CHST1: variants seen among roughly 807,000 people sequenced by gnomAD.
The protein encoded by CHST1 is Keratan sulfotransferase.
CHST1 carries 10 observed loss-of-function variants against 22.5 expected under a neutral mutation model. The observed-to-expected ratio is 0.44, with a 90% CI of 0.27 to 0.75. The LOEUF is 0.75. Ranked by LOEUF, CHST1 falls within the 30% of genes least tolerant of loss-of-function variation. The pLI is 0.15. For synonymous variants in CHST1, 267 were observed against 264.5 expected, an observed-to-expected ratio of 1.01 and a Z score of -0.09; for missense variants, 439 against 576.1, an observed-to-expected ratio of 0.76 and a Z score of 2.44.
At chr11:45,654,096 T>G (rs1372148229) in intron 1 of CHST1, among the ~76,000 whole-genome samples, 9 of 152,190 alleles carry the variant, frequency 5.9e-5, no homozygotes, top group Admixed American at 5.9e-4. Flanking sequence ...AGTCTTCACT[T>G]AATTCTGGGG....
Position 45,650,958 on chromosome 11 carries a change from G to T in CHST1, c.-35C>A. On this transcript the variant is annotated 5_prime_UTR_variant, in exon 4 of 4. Transcript: ENST00000308064. ...CCTTCATGGGGCTGCTTCTCCAAGG[G>T]GTGAGGTCTGTGGGCAAAGGCGGCC... 1 of 1,515,484 alleles carries T rather than the reference G, an allele frequency of 6.6e-7. No individual in the cohort carries two copies. The allele number at this position is 1,515,484 out of a possible 1,614,324, so 93.9% of individuals were successfully genotyped here.
chr11:45,651,092 C>G, intron 3 of CHST1, 127 bp from the exon 4 acceptor site: 3 of 610,376 alleles, frequency 4.9e-6, no homozygotes, highest in Non-Finnish European at 8.0e-6. Context: ...ACCACACACC[C>G]TGAAGACCTA....
chr11:45,662,133 T>A (rs1386718004), intron 1 of CHST1, among the ~76,000 whole-genome samples: 1 of 152,186 alleles, frequency 6.6e-6, no homozygotes, highest in Non-Finnish European at 1.5e-5. Flanking sequence ...GGAAGACAGA[T>A]GCTTCTCCAG....
Position 45,652,620 on chromosome 11 carries a change from C to T in CHST1, c.-226-14G>A, listed in dbSNP as rs2277272. On this transcript the variant is annotated splice_polypyrimidine_tract_variant and intron_variant, in intron 1 of 3. Coordinates refer to ENST00000308064, the MANE Select transcript of CHST1 (RefSeq NM_003654.6). ...GACACCAGCTACCTGAAACTCAAAG[C>T]GAAAGTGGACCAGGGAGCATTCCTG... The T allele has an allele frequency of 0.72, 108,979 of 152,070 alleles. 41,597 individuals are homozygous for T. Among genetic ancestry groups the T allele is most frequent in the Middle Eastern group, 0.93 (274 of 294 alleles). 9.4% of individuals were successfully genotyped at this position (152,070 alleles called of 1,614,324 possible).
rs558210283 is a variant in CHST1 at position 45,655,109 on chromosome 11, T to C, written c.-226-2503A>G. Among the ~76,000 whole-genome samples, 6 of 152,368 alleles carry C rather than the reference T, an allele frequency of 3.9e-5. No individual in the cohort carries two copies. The South Asian group carries it at 1.2e-3, about 32-fold the overall frequency. On this transcript the variant is annotated intron_variant, in intron 1 of 3. Transcript: ENST00000308064. ...TGCTGATCCCAGCTCAGCCACTTACTGGCTGAGAGATCTTGGCTAGCTTTC... is the reference window on the plus strand; with the variant it reads ...TGCTGATCCCAGCTCAGCCACTTACCGGCTGAGAGATCTTGGCTAGCTTTC...
In CHST1 at chr11:45,665,095, C is replaced by T; in HGVS notation, c.-227+83G>A. Reference sequence around the variant, plus strand: ...CTGTCCCCGAGCGGAGGGGCGTCTCCCACCGCGCCCGCGCCCCTCCCGGCT... The same window carrying T: ...CTGTCCCCGAGCGGAGGGGCGTCTCTCACCGCGCCCGCGCCCCTCCCGGCT... On this transcript the variant is annotated intron_variant, in intron 1 of 3. Coordinates refer to ENST00000308064, the MANE Select transcript of CHST1 (RefSeq NM_003654.6). This position sits in a 1 kb window ranked among gnomAD's most constrained non-coding sequence, Gnocchi z 4.0. 6.6e-6 allele frequency: 1 copy of T among 152,064 alleles called. No homozygotes were observed. Among genetic ancestry groups the T allele is most frequent in the East Asian group, 1.9e-4 (1 of 5,138 alleles). 9.4% of individuals were successfully genotyped at this position (152,064 alleles called of 1,614,324 possible).
intron 1 of CHST1, among the ~76,000 whole-genome samples, chr11:45,661,296 G>C (rs1405468971): frequency 6.6e-6 from 1 of 152,230 alleles, no homozygotes; most frequent in Non-Finnish European, 1.5e-5. Context: ...AGTGGGGGCA[G>C]GGCTGCCAAG....
intron 1 of CHST1, among the ~76,000 whole-genome samples, chr11:45,661,727 T>C (rs1426000864): frequency 2.0e-5 from 3 of 152,160 alleles, no homozygotes; most frequent in East Asian, 3.9e-4. Context: ...TGGGATGTCT[T>C]TAAGGAGCCT....
rs561994722 is a variant in CHST1, at chr11:45,651,821, G to A, written c.-43+172C>T. ...CCCCTCTGCCCACAGAAGGGGGACT[G>A]GGGAGGGACCATGGAGAAGCAGAAA... On this transcript the variant is annotated intron_variant, in intron 3 of 3. Coordinates refer to ENST00000308064, the MANE Select transcript of CHST1 (RefSeq NM_003654.6). 2.6e-5 allele frequency: 4 copies of A among 152,472 alleles called. No homozygotes were observed. In the South Asian group the frequency reaches 6.2e-4, roughly 24 times the overall value. The allele number at this position is 152,472 out of a possible 1,614,324, so 9.4% of individuals were successfully genotyped here.
In CHST1 at chr11:45,649,980, T is replaced by C. The variant is rs1590686684; in HGVS notation, c.944A>G (p.Glu315Gly). 6.2e-7 allele frequency: 1 copy of C among 1,613,708 alleles called. No individual in the cohort carries two copies. Among genetic ancestry groups the C allele is most frequent in the Non-Finnish European group, 8.5e-7 (1 of 1,179,962 alleles). The change falls in exon 4 of 4, where the codon GAG (glutamate) becomes GGG (glycine). Residue 315 changes from glutamate (E) to glycine (G), a missense_variant. Transcript: ENST00000308064. ...LARNPMKKTE[E>G]IYGFLGIPLD... ...CGGGATGCCCAGGAACCCGTAGATC[T>C]CCTCGGTCTTCTTCATAGGGTTCCG...
In CHST1 at chr11:45,653,387, T is replaced by A. The variant is rs529162350; in HGVS notation, c.-226-781A>T. On this transcript the variant is annotated intron_variant, in intron 1 of 3. Transcript: ENST00000308064. ...AGGGGCAGTTTAGAGTCTTAGGAAC[T>A]TCTCAACGTGATCAGAGAAAAACCA... 5.3e-5 allele frequency among the ~76,000 whole-genome samples: 8 copies of A among 152,260 alleles called. No individual in the cohort carries two copies. The South Asian group carries it at 1.7e-3, about 32-fold the overall frequency.
Position 45,648,350 on chromosome 11 carries a change from T to A in CHST1, c.*1338A>T, listed in dbSNP as rs563615368. 7.4e-4 allele frequency among the ~76,000 whole-genome samples: 111 copies of A among 150,292 alleles called. No individual in the cohort carries two copies. The highest frequency in any genetic ancestry group is 2.5e-3 in the African/African-American group (104 of 41,038). On this transcript the variant is annotated 3_prime_UTR_variant, in exon 4 of 4. Coordinates refer to ENST00000308064, the MANE Select transcript of CHST1 (RefSeq NM_003654.6). ...CACTTGTTAAAGACTTTGAACATTA[T>A]CCCTGGCTATAAGTTACCCGGTCTC...
chr11:45,662,425 A>G (rs1852146453), intron 1 of CHST1, among the ~76,000 whole-genome samples: 1 of 152,314 alleles, frequency 6.6e-6, no homozygotes, highest in Admixed American at 6.5e-5. Context: ...GGAACCTGAA[A>G]CAAATGCTCC....
At position 45,648,477 on chromosome 11, in the gene CHST1, G is replaced by T. The variant is rs1225241558; in HGVS notation, c.*1211C>A. Among the ~76,000 whole-genome samples, 1 of 151,038 alleles carries T rather than the reference G, an allele frequency of 6.6e-6. No homozygotes were observed. The highest frequency in any genetic ancestry group is 2.1e-4 in the South Asian group (1 of 4,780). On this transcript the variant is annotated 3_prime_UTR_variant, in exon 4 of 4. Transcript: ENST00000308064. ...CAGGAGGAATGCCCAGAGCTCAGGA[G>T]TTCGCGACCAGCCTGGACAACACGG...
intron 1 of CHST1, among the ~76,000 whole-genome samples, chr11:45,656,038 C>T (rs572894764): frequency 9.2e-5 from 14 of 152,304 alleles, no homozygotes; most frequent in African/African-American, 1.9e-4. Flanking sequence ...CAGGGGGTGG[C>T]GGCCCTAGAA....
Position 45,649,857 on chromosome 11 carries a change from G to C in CHST1, c.1067C>G (p.Thr356Arg). ...KYGTVRNSAATAEKWRFRLSY... is the reference protein window; with the variant it reads ...KYGTVRNSAARAEKWRFRLSY... ...GAGGCGGAAGCGCCACTTCTCGGCCGTGGCCGCCGAGTTTCGCACGGTGCC... is the reference window on the plus strand; with the variant it reads ...GAGGCGGAAGCGCCACTTCTCGGCCCTGGCCGCCGAGTTTCGCACGGTGCC... The change falls in exon 4 of 4, where the codon ACG (threonine) becomes AGG (arginine). Residue 356 changes from threonine to arginine, a missense_variant. Coordinates refer to ENST00000308064, the MANE Select transcript of CHST1 (RefSeq NM_003654.6). The C allele has an allele frequency of 6.2e-7, 1 of 1,611,030 alleles. No homozygotes were observed. The highest frequency in any genetic ancestry group is 8.5e-7 in the Non-Finnish European group (1 of 1,179,974).
chr11:45,661,775 C>G (rs1277321260), intron 1 of CHST1, among the ~76,000 whole-genome samples: 1 of 152,182 alleles, frequency 6.6e-6, no homozygotes, highest in Non-Finnish European at 1.5e-5. Context: ...GAGGAGGGAG[C>G]CCTGCCAAGG....
At chr11:45,660,214 G>A (rs932770203) in intron 1 of CHST1, among the ~76,000 whole-genome samples, 5 of 152,220 alleles carry the variant, frequency 3.3e-5, no homozygotes, top group African/African-American at 1.2e-4. Flanking sequence ...TCACAGGTGA[G>A]GGACTGAGGC....
intron 1 of CHST1, among the ~76,000 whole-genome samples, chr11:45,653,857 C>T (rs1404443478): frequency 6.6e-6 from 1 of 152,128 alleles, no homozygotes. Flanking sequence ...CTCATCGCAC[C>T]CTCATGCCAG....
Sources: allele counts gnomAD v4.1 joint callset (sites outside exome capture counted in the v4.1 genomes callset), GRCh38; gene constraint gnomAD v4.1.1; non-coding constraint Gnocchi (gnomAD v3.1); transcripts MANE v1.5; gene names NCBI Gene and HGNC (gene_info 2026-07-23, HGNC 2026-07-21).